UTRN: variants seen among roughly 807,000 people sequenced by gnomAD.
UTRN encodes dystrophin-related protein 1.
Under a neutral mutation model 463.9 loss-of-function variants are expected in UTRN, and 283 were observed. That is an observed-to-expected ratio of 0.61 (90% CI 0.55 to 0.67). The LOEUF is 0.67. UTRN is among the 30% of genes least tolerant of loss of function. The pLI, the probability that UTRN is intolerant of heterozygous loss-of-function variation, is 0.00. For missense variants in UTRN, 3,922 were observed against 4,084.3 expected (o/e 0.96, Z 1.08); for synonymous variants, 1,442 against 1,431.5 (o/e 1.01, Z -0.17).
intron 53 of UTRN, among the ~76,000 whole-genome samples, chr6:144,713,818 G>T (rs1269118670): frequency 6.6e-6 from 1 of 151,388 alleles, no homozygotes; most frequent in Non-Finnish European, 1.5e-5. Flanking sequence ...TACTCGGGAG[G>T]CTGAGGCAGG....
Position 144,678,497 on chromosome 6 carries a change from A to T in UTRN, c.7571A>T (p.Glu2524Val), listed in dbSNP as rs1325132321. Residue 2524 changes from glutamate (E) to valine (V), a missense_variant, in exon 52 of 75, where the codon GAA (glutamate) becomes GTA (valine). Glu to Val is a moderately radical substitution (Grantham distance 121). Coordinates refer to ENST00000367545, the MANE Select transcript of UTRN (RefSeq NM_007124.3). ...QKMVKALGNSEEATMLQHRLD... is the reference protein window; with the variant it reads ...QKMVKALGNSVEATMLQHRLD... ...ATGGTAAAAGCTTTGGGAAATTCTGAAGAGGCTACTATGCTTCAACATCGA... is the reference window on the plus strand; with the variant it reads ...ATGGTAAAAGCTTTGGGAAATTCTGTAGAGGCTACTATGCTTCAACATCGA... 2.0e-5 allele frequency: 32 copies of T among 1,613,402 alleles called. No homozygotes were observed. The highest frequency in any genetic ancestry group is 2.7e-5 in the Non-Finnish European group (32 of 1,179,624).
Position 144,750,714 on chromosome 6 carries a change from G to A in UTRN, c.8209-1092G>A, listed in dbSNP as rs1324733211. Reference sequence around the variant, plus strand: ...ATCCCAGTTCCATTATCCATTCTGTGTTAGCTTAATATTGCTCAAATATCA... The same window carrying A: ...ATCCCAGTTCCATTATCCATTCTGTATTAGCTTAATATTGCTCAAATATCA... On this transcript the variant is annotated intron_variant, in intron 55 of 74. Coordinates refer to ENST00000367545, the MANE Select transcript of UTRN (RefSeq NM_007124.3). 5.9e-5 allele frequency among the ~76,000 whole-genome samples: 9 copies of A among 152,254 alleles called. No individual in the cohort carries two copies. In the South Asian group the frequency reaches 1.7e-3, roughly 28 times the overall value.
intron 54 of UTRN, among the ~76,000 whole-genome samples, chr6:144,735,073 A>G (rs1267783784): frequency 3.9e-5 from 6 of 152,236 alleles, no homozygotes; most frequent in African/African-American, 1.4e-4. Context: ...GCACTGTCCA[A>G]GATGGATAAA....
chr6:144,320,738 C>G (rs535156778), intron 2 of UTRN, among the ~76,000 whole-genome samples: 1 of 152,284 alleles, frequency 6.6e-6, no homozygotes, highest in Non-Finnish European at 1.5e-5. Context: ...ACCACTCACT[C>G]GATTTTTCCA....
intron 4 of UTRN, 21 bp from the exon 5 acceptor site, chr6:144,423,528 C>T: frequency 1.2e-6 from 2 of 1,613,050 alleles, no homozygotes; most frequent in Non-Finnish European, 1.7e-6. Context: ...GTTTTACTTG[C>T]TTTTTTGTTT....
intron 34 of UTRN, among the ~76,000 whole-genome samples, chr6:144,505,203 A>G (rs756479371): frequency 2.6e-4 from 40 of 152,000 alleles, no homozygotes; most frequent in Non-Finnish European, 5.6e-4. Flanking sequence ...TAATCTTTTC[A>G]AAAAACCAGC....
Position 144,846,814 on chromosome 6 carries a change from C to G in UTRN, c.10280C>G (p.Pro3427Arg), listed in dbSNP as rs1419228524. ...STFPSCCPNV[P>R]SRPQAM ...TTGTTTTCTCTTTCAGCAAATGTTCCCAGCAGGCCACAGGTAAGAGTTAAT... is the reference window on the plus strand; with the variant it reads ...TTGTTTTCTCTTTCAGCAAATGTTCGCAGCAGGCCACAGGTAAGAGTTAAT... Residue 3427 changes from proline to arginine, a missense_variant, in exon 74 of 75, where the codon CCC (proline) becomes CGC (arginine). By Grantham distance (103) the Pro-to-Arg change is moderately radical. Around this residue, in one of 3 missense-constraint regions of UTRN, gnomAD observed 1,309 missense variants for 1,452.6 expected, o/e 0.90. Transcript: ENST00000367545. 1 of 1,614,010 alleles carries G rather than the reference C, an allele frequency of 6.2e-7. No homozygotes were observed. Among genetic ancestry groups the G allele is most frequent in the Admixed American group, 1.7e-5 (1 of 60,024 alleles).
chr6:144,701,792 AATTT>A (rs1784616530), intron 53 of UTRN, among the ~76,000 whole-genome samples: 1 of 152,264 alleles, frequency 6.6e-6, no homozygotes, highest in Admixed American at 6.5e-5. Context: ...AAGACCCTGA[AATTT>A]ATTTATTTGC....
At chr6:144,699,967 T>G (rs113527004) in intron 52 of UTRN, 120 bp from the exon 53 acceptor site, 2 of 846,022 alleles carry the variant, frequency 2.4e-6, no homozygotes. Context: ...CAGTCTCTTT[T>G]GTGGAAGTAA....
chr6:144,313,969 T>C (rs1165859156), intron 2 of UTRN, among the ~76,000 whole-genome samples: 7 of 152,256 alleles, frequency 4.6e-5, no homozygotes, highest in African/African-American at 1.7e-4. Context: ...ATACATGTTA[T>C]GTCTTTAATA....
At chr6:144,538,861 G>A (rs1255630581) in intron 44 of UTRN, among the ~76,000 whole-genome samples, 2 of 152,142 alleles carry the variant, frequency 1.3e-5, no homozygotes, top group East Asian at 1.9e-4. Context: ...TTTTTAAAAT[G>A]TGACAATATC....
chr6:144,321,745 C>A (rs1203012334), intron 2 of UTRN, among the ~76,000 whole-genome samples: 1 of 150,612 alleles, frequency 6.6e-6, no homozygotes, highest in Non-Finnish European at 1.5e-5. Context: ...GCTAGGATTA[C>A]AGGCCTGAGC....
intron 51 of UTRN, among the ~76,000 whole-genome samples, chr6:144,598,608 G>A (rs1338429110): frequency 2.0e-5 from 3 of 152,156 alleles, no homozygotes; most frequent in Non-Finnish European, 2.9e-5. Flanking sequence ...AGCTTTGCAG[G>A]GGTATTTCAA....
intron 53 of UTRN, among the ~76,000 whole-genome samples, chr6:144,722,513 T>G (rs1480854532): frequency 6.6e-6 from 1 of 152,152 alleles, no homozygotes; most frequent in Non-Finnish European, 1.5e-5. Context: ...CATCAAAAGA[T>G]AAAGTACATT....
chr6:144,579,557 C>A (rs1197464887), intron 51 of UTRN, among the ~76,000 whole-genome samples: 1 of 152,066 alleles, frequency 6.6e-6, no homozygotes, highest in Non-Finnish European at 1.5e-5. Flanking sequence ...TATATTCTTA[C>A]CATAGCTAAG....
chr6:144,501,771 T>G (rs911335610), intron 34 of UTRN, among the ~76,000 whole-genome samples: 2 of 152,192 alleles, frequency 1.3e-5, no homozygotes, highest in African/African-American at 4.8e-5. Context: ...CTAAAAGTAT[T>G]GATCAAGGGA....
chr6:144,830,984 G>T (rs1162160001), intron 69 of UTRN, among the ~76,000 whole-genome samples: 1 of 152,094 alleles, frequency 6.6e-6, no homozygotes, highest in Non-Finnish European at 1.5e-5. Flanking sequence ...CACAAATCAA[G>T]GTCTTTTTCT....
At chr6:144,555,929 ATAAGTAAGT>A (rs1426365351) in intron 49 of UTRN, among the ~76,000 whole-genome samples, 1 of 152,260 alleles carries the variant, frequency 6.6e-6, no homozygotes, top group Non-Finnish European at 1.5e-5. Flanking sequence ...AACAAATCAG[ATAAGTAAGT>A]TTAGTTTCCT....
intron 9 of UTRN, among the ~76,000 whole-genome samples, chr6:144,431,394 G>A (rs143133337): frequency 5.2e-4 from 79 of 152,280 alleles, no homozygotes; most frequent in African/African-American, 1.9e-3. Context: ...TTTCATTAGT[G>A]TCTTAGAGGC....
Sources: allele counts gnomAD v4.1 joint callset (sites outside exome capture counted in the v4.1 genomes callset), GRCh38; gene constraint gnomAD v4.1.1; regional missense constraint gnomAD v4.1.1; transcripts MANE v1.5; gene names NCBI Gene and HGNC (gene_info 2026-07-23, HGNC 2026-07-21).